Variants in PCSK5 observed in about 807,000 individuals in gnomAD.
The protein encoded by PCSK5 is prohormone convertase 5.
In PCSK5, 129 loss-of-function variants were observed where a neutral mutation model predicts 233.2. That is an observed-to-expected ratio of 0.55 (90% CI 0.48 to 0.64). The LOEUF is 0.64. Ranked by LOEUF, PCSK5 falls within the 30% of genes least tolerant of loss-of-function variation. PCSK5 has a pLI of 0.00. For missense variants in PCSK5, 2,076 were observed against 2,430.1 expected, an observed-to-expected ratio of 0.85 and a Z score of 3.06; for synonymous variants, 825 against 879.2, an observed-to-expected ratio of 0.94 and a Z score of 1.09.
rs140154837 is a variant in PCSK5 at position 76,320,465 on chromosome 9, C to CTTT, written c.3885-938_3885-936dup. 1.1e-3 allele frequency among the ~76,000 whole-genome samples: 110 copies of CTTT among 102,010 alleles called. 1 individual carries two copies. The highest frequency in any genetic ancestry group is 2.2e-3 in the African/African-American group (57 of 25,900). 66.9% of individuals were successfully genotyped at this position (102,010 alleles called of 152,430 possible). On this transcript the variant is annotated intron_variant, in intron 30 of 37. Transcript: ENST00000674117. Reference sequence around the variant, plus strand: ...AAGAAAAAAAAAAAGTACATTGTAGCTTTTTTTTTTTTTTTTTTTTTGAGA... The same window carrying CTTT: ...AAGAAAAAAAAAAAGTACATTGTAGCTTTTTTTTTTTTTTTTTTTTTTTTGAGA...
At chr9:76,175,166 G>GGCAGCTCATGCATCATCC in intron 14 of PCSK5, 37 bp downstream of exon 14, 1 of 1,603,588 alleles carries the variant, frequency 6.2e-7, no homozygotes, top group Non-Finnish European at 8.5e-7. Flanking sequence ...GCTAAAAAGA[G>GGCAGCTCATGCATCATCC]GCAGCTCATG....
chr9:76,101,835 T>C (rs1055874231), intron 8 of PCSK5, among the ~76,000 whole-genome samples: 1 of 152,228 alleles, frequency 6.6e-6, no homozygotes, highest in Non-Finnish European at 1.5e-5. Flanking sequence ...CATTTTCTTT[T>C]GCAGAAATAT....
intron 20 of PCSK5, among the ~76,000 whole-genome samples, chr9:76,221,743 A>G (rs910966685): frequency 2.2e-4 from 34 of 152,208 alleles, no homozygotes; most frequent in South Asian, 8.3e-4. Context: ...GTGTAGGCTG[A>G]AGGAAACTAA....
chr9:75,992,109 A>G (rs896330011), intron 3 of PCSK5, among the ~76,000 whole-genome samples: 1 of 152,124 alleles, frequency 6.6e-6, no homozygotes, highest in African/African-American at 2.4e-5. Context: ...AATCATAAAT[A>G]AACATTGAAA....
chr9:75,925,394 A>C (rs1386812302), intron 1 of PCSK5, among the ~76,000 whole-genome samples: 4 of 152,220 alleles, frequency 2.6e-5, no homozygotes, highest in Non-Finnish European at 5.9e-5. Context: ...CTATTCATTC[A>C]TTGCTTTATT....
chr9:76,004,875 T>A (rs1033024847), intron 3 of PCSK5, among the ~76,000 whole-genome samples: 2 of 152,216 alleles, frequency 1.3e-5, no homozygotes, highest in Admixed American at 6.5e-5. Context: ...TAGCCATTTC[T>A]CAAATAGGTG....
intron 24 of PCSK5, among the ~76,000 whole-genome samples, chr9:76,272,945 A>G (rs1461891126): frequency 6.6e-6 from 1 of 151,660 alleles, no homozygotes; most frequent in Non-Finnish European, 1.5e-5. Flanking sequence ...ACTCTTTGCA[A>G]TCTACCTTGG....
chr9:75,907,388 G>A (rs562071702), intron 1 of PCSK5, among the ~76,000 whole-genome samples: 22 of 152,292 alleles, frequency 1.4e-4, no homozygotes, highest in African/African-American at 5.1e-4. Context: ...AATGAAATCA[G>A]TAGTGCATTG....
chr9:76,351,529 A>AAAGAAAGAAAGAAAGG (rs1554724839), intron 36 of PCSK5, among the ~76,000 whole-genome samples: 3 of 108,608 alleles, frequency 2.8e-5, no homozygotes, highest in African/African-American at 9.7e-5. Flanking sequence ...AGAAAGAAAG[A>AAAGAAAGAAAGAAAGG]AAGGAAGGAA....
At chr9:76,002,665 A>G (rs780548473) in intron 3 of PCSK5, among the ~76,000 whole-genome samples, 13 of 152,218 alleles carry the variant, frequency 8.5e-5, no homozygotes, top group Non-Finnish European at 7.3e-5. Context: ...CATTGTGTCC[A>G]TCGAGATTGG....
chr9:76,351,454 A>G (rs1410055171), intron 36 of PCSK5, among the ~76,000 whole-genome samples: 2 of 20,802 alleles, frequency 9.6e-5, no homozygotes, highest in African/African-American at 3.4e-4. Flanking sequence ...AAAGGAAAGA[A>G]AGAAAGAAAG....
intron 28 of PCSK5, among the ~76,000 whole-genome samples, chr9:76,302,706 T>G (rs1447026304): frequency 6.6e-6 from 1 of 152,190 alleles, no homozygotes; most frequent in Non-Finnish European, 1.5e-5. Flanking sequence ...TAAAGAATGA[T>G]TTCCAAATAT....
chr9:76,300,518 C>A (rs1273698236), intron 27 of PCSK5, among the ~76,000 whole-genome samples: 1 of 152,160 alleles, frequency 6.6e-6, no homozygotes, highest in Non-Finnish European at 1.5e-5. Flanking sequence ...AGTATTTACA[C>A]CACAGAAATT....
chr9:76,108,610 C>T (rs138200081), intron 9 of PCSK5, among the ~76,000 whole-genome samples: 67 of 152,126 alleles, frequency 4.4e-4, no homozygotes, highest in African/African-American at 1.3e-3. Flanking sequence ...AAAATTAGTT[C>T]GGTGTGGTGG....
intron 1 of PCSK5, among the ~76,000 whole-genome samples, chr9:75,897,072 A>T (rs186426966): frequency 1.3e-5 from 2 of 152,262 alleles, no homozygotes; most frequent in African/African-American, 4.8e-5. Context: ...TCAGATAGGG[A>T]GCCATAATAC....
chr9:76,204,487 TC>T (rs1259256522), intron 20 of PCSK5, among the ~76,000 whole-genome samples: 2 of 151,718 alleles, frequency 1.3e-5, no homozygotes, highest in Non-Finnish European at 2.9e-5. Context: ...TCTCTTTCTC[TC>T]CTCTACTCTC....
intron 20 of PCSK5, among the ~76,000 whole-genome samples, chr9:76,200,399 C>T (rs554785999): frequency 9.9e-5 from 15 of 152,280 alleles, no homozygotes; most frequent in East Asian, 9.7e-4. Flanking sequence ...TGAGCAGTTC[C>T]TTCCACCACT....
At chr9:76,034,377 G>A (rs1165220094) in intron 5 of PCSK5, among the ~76,000 whole-genome samples, 1 of 152,124 alleles carries the variant, frequency 6.6e-6, no homozygotes, top group East Asian at 1.9e-4. Flanking sequence ...TGCTCCCTGA[G>A]TGATATTTCT....
chr9:76,227,610 G>A lies in PCSK5; in HGVS notation c.2729+5G>A. On this transcript the variant is annotated splice_donor_5th_base_variant and intron_variant, in intron 21 of 37. Coordinates refer to ENST00000674117, the MANE Select transcript of PCSK5 (RefSeq NM_001372043.1). The stretch of plus-strand genomic sequence containing the variant: ...CACTACCTGCCCCATGACAAGGTAA[G>A]TGGCTTCTCAGGATCTCCCGGTGGT... The A allele has an allele frequency of 6.3e-7, 1 of 1,596,264 alleles. No individual in the cohort carries two copies. The highest frequency in any genetic ancestry group is 1.1e-5 in the South Asian group (1 of 89,630).
Sources: gnomAD v4.1 joint callset for allele counts (sites outside exome capture counted in the v4.1 genomes callset) on GRCh38, gnomAD v4.1.1 for gene constraint, MANE v1.5 for transcripts, NCBI Gene and HGNC (gene_info 2026-07-23, HGNC 2026-07-21) for gene names.